Variants in ODR4 observed in about 807,000 individuals in gnomAD.
ODR4 encodes the protein odr-4 GPCR localization factor homolog, also known as protein odr-4 homolog.
Under a neutral mutation model 60.2 loss-of-function variants are expected in ODR4, and 47 were observed. The observed-to-expected ratio is 0.78, with a 90% CI of 0.62 to 1.00. ODR4 has a LOEUF of 1.00. Among genes scored for constraint, ODR4 ranks in the 50% least tolerant of loss-of-function variants. The probability of loss-of-function intolerance (pLI) is 0.00; values close to 1 mark genes in which losing one functional copy is unlikely to be tolerated. For missense variants in ODR4, 488 were observed against 530.8 expected (o/e 0.92, Z 0.79); for synonymous variants, 178 against 175.5 (o/e 1.01, Z -0.11).
At chr1:186,381,007 A>C (rs1659998544) in intron 2 of ODR4, among the ~76,000 whole-genome samples, 2 of 152,228 alleles carry the variant, frequency 1.3e-5, no homozygotes, top group Non-Finnish European at 2.9e-5. Flanking sequence ...GCAGATCTAC[A>C]TGGTTCAACC....
chr1:186,399,910 T>A (rs552172822), intron 11 of ODR4, among the ~76,000 whole-genome samples: 51 of 152,038 alleles, frequency 3.4e-4, no homozygotes, highest in Middle Eastern at 3.4e-3. Context: ...TATTAAAAAA[T>A]TTTTTTAATC....
chr1:186,410,733 G>C (rs776445496), intron 12 of ODR4, among the ~76,000 whole-genome samples: 10 of 152,028 alleles, frequency 6.6e-5, no homozygotes, highest in Non-Finnish European at 1.3e-4. Flanking sequence ...AAATTTTAGT[G>C]GGCTGGGTGC....
At chr1:186,378,592 G>A (rs1659887051) in intron 1 of ODR4, among the ~76,000 whole-genome samples, 1 of 152,216 alleles carries the variant, frequency 6.6e-6, no homozygotes, top group Non-Finnish European at 1.5e-5. Context: ...CCGTAGTAAT[G>A]ATTTAATTGA....
At chr1:186,381,390 A>G (rs1227730775) in intron 2 of ODR4, among the ~76,000 whole-genome samples, 1 of 151,264 alleles carries the variant, frequency 6.6e-6, no homozygotes, top group South Asian at 2.1e-4. Flanking sequence ...GCAGTGGCGC[A>G]ATCTCGGCTC....
intron 2 of ODR4, 140 bp downstream of exon 2, chr1:186,380,024 A>C: frequency 1.9e-6 from 1 of 540,364 alleles, no homozygotes; most frequent in Non-Finnish European, 3.0e-6. Context: ...ATGTGGAAGA[A>C]GTAACTTTAA....
the ODR4 span, among the ~76,000 whole-genome samples, chr1:186,432,808 C>T: frequency 6.7e-6 from 1 of 149,508 alleles, no homozygotes; most frequent in African/African-American, 2.5e-5. Context: ...TTTCTTGAGA[C>T]GGAGTCTCAC....
At chr1:186,386,822 A>G (rs965081734) in intron 4 of ODR4, among the ~76,000 whole-genome samples, 1 of 152,154 alleles carries the variant, frequency 6.6e-6, no homozygotes, top group African/African-American at 2.4e-5. Flanking sequence ...AGTAAAACAT[A>G]AACAATCAGA....
At chr1:186,433,826 A>G in the ODR4 span, among the ~76,000 whole-genome samples, 176 of 152,080 alleles carry the variant, frequency 1.2e-3, 5 homozygotes, top group South Asian at 8.3e-4. Context: ...TGATCCACCC[A>G]CCTCGGCCTC....
Position 186,386,095 on chromosome 1 carries a change from A to G in ODR4, c.330+12A>G. On this transcript the variant is annotated intron_variant, in intron 4 of 13. Coordinates refer to ENST00000287859, the MANE Select transcript of ODR4 (RefSeq NM_017847.6). ...ATGCCCTGCGTAGAGTAAGTTTGAT[A>G]TATCGAAAATTCTTAATGAAATCAG... 1 of 1,468,434 alleles carries G rather than the reference A, an allele frequency of 6.8e-7. No individual in the cohort carries two copies. The highest frequency in any genetic ancestry group is 9.3e-7 in the Non-Finnish European group (1 of 1,069,808). The allele number at this position is 1,468,434 out of a possible 1,614,324, so 91.0% of individuals were successfully genotyped here.
rs189245926 is a variant in ODR4 at position 186,381,579 on chromosome 1, G to T, written c.100-1443G>T. Among the ~76,000 whole-genome samples, 1,139 of 152,008 alleles carry T rather than the reference G, an allele frequency of 7.5e-3. 19 individuals carry two copies. The highest frequency in any genetic ancestry group is 0.025 in the African/African-American group (1,034 of 41,452). Reference sequence around the variant, plus strand: ...CCTGATCTCGTGATCCGCCTGCCTCGGCCTCCCAAAGTGCTGGGATTACAG... The same window carrying T: ...CCTGATCTCGTGATCCGCCTGCCTCTGCCTCCCAAAGTGCTGGGATTACAG... On this transcript the variant is annotated intron_variant, in intron 2 of 13. Transcript: ENST00000287859.
In ODR4 at chr1:186,394,092, A is replaced by G. The variant is rs142474810; in HGVS notation, c.780+77A>G. On this transcript the variant is annotated intron_variant, in intron 9 of 13. Transcript: ENST00000287859. Reference sequence around the variant, plus strand: ...AACTGTTTCTGTTTTTATTTTTCTCATTAGAGAATAAAAGGATTTTAGAGC... The same window carrying G: ...AACTGTTTCTGTTTTTATTTTTCTCGTTAGAGAATAAAAGGATTTTAGAGC... 1.0e-3 allele frequency: 923 copies of G among 884,970 alleles called. 1 individual carries two copies. The highest frequency in any genetic ancestry group is 1.4e-3 in the Non-Finnish European group (830 of 574,688). The allele number at this position is 884,970 out of a possible 1,614,324, so 54.8% of individuals were successfully genotyped here. A position where few individuals can be genotyped will look rare whatever the true frequency, so the allele number is the denominator to read the frequency against.
Position 186,417,580 on chromosome 1 carries a change from T to G in ODR4, c.1223T>G (p.Leu408Trp). Reference sequence around the variant, plus strand: ...TCTTCTATGAATAGTCAAGCTTCATTGGACAACACAGATGATGAACAACCA... The same window carrying G: ...TCTTCTATGAATAGTCAAGCTTCATGGGACAACACAGATGATGAACAACCA... ...MSSSMNSQAS[L>W]DNTDDEQPKQ... Residue 408 changes from leucine to tryptophan, a missense_variant, in exon 13 of 14, where the codon TTG (leucine) becomes TGG (tryptophan). Coordinates refer to ENST00000287859, the MANE Select transcript of ODR4 (RefSeq NM_017847.6). The G allele has an allele frequency of 6.2e-7, 1 of 1,601,920 alleles. No individual in the cohort carries two copies. Among genetic ancestry groups the G allele is most frequent in the Non-Finnish European group, 8.5e-7 (1 of 1,173,050 alleles).
intron 11 of ODR4, among the ~76,000 whole-genome samples, chr1:186,402,187 ATTCTTTC>A (rs1381181574): frequency 1.3e-4 from 17 of 135,424 alleles, no homozygotes; most frequent in African/African-American, 4.8e-4. Context: ...TAGGCATCCT[ATTCTTTC>A]TTTCTTTCTT....
downstream of ODR4, among the ~76,000 whole-genome samples, chr1:186,426,103 C>T (rs1283659556): frequency 6.6e-6 from 1 of 152,070 alleles, no homozygotes; most frequent in Non-Finnish European, 1.5e-5. Flanking sequence ...AAAGTGTTGC[C>T]TTTCTGTTTT....
intron 3 of ODR4, among the ~76,000 whole-genome samples, chr1:186,385,017 G>C (rs550591849): frequency 2.0e-5 from 3 of 151,968 alleles, no homozygotes; most frequent in Non-Finnish European, 4.4e-5. Context: ...ACAATCATGT[G>C]AAGGGAAATA....
chr1:186,423,129 A>G (rs182168365), downstream of ODR4, among the ~76,000 whole-genome samples: 1 of 152,208 alleles, frequency 6.6e-6, no homozygotes, highest in Admixed American at 6.5e-5. Flanking sequence ...AATAGTAAAC[A>G]ATAATTAACT....
At chr1:186,413,509 A>C (rs1463350140) in intron 12 of ODR4, among the ~76,000 whole-genome samples, 1 of 152,126 alleles carries the variant, frequency 6.6e-6, no homozygotes, top group Non-Finnish European at 1.5e-5. Context: ...ATGGCTTTAA[A>C]ATTTCTTAGC....
At chr1:186,394,078 T>C in intron 9 of ODR4, 63 bp downstream of exon 9, 5 of 976,874 alleles carry the variant, frequency 5.1e-6, no homozygotes, top group Non-Finnish European at 7.6e-6. Context: ...ACTGTTTCTG[T>C]TTTTATTTTT....
At chr1:186,381,398 C>T (rs976011042) in intron 2 of ODR4, among the ~76,000 whole-genome samples, 8 of 151,562 alleles carry the variant, frequency 5.3e-5, no homozygotes, top group African/African-American at 1.9e-4. Context: ...GCAATCTCGG[C>T]TCACTGCAGG....
Sources: gnomAD v4.1 joint callset for allele counts (sites outside exome capture counted in the v4.1 genomes callset) on GRCh38, gnomAD v4.1.1 for gene constraint, MANE v1.5 for transcripts, NCBI Gene and HGNC (gene_info 2026-07-23, HGNC 2026-07-21) for gene names.